The following BRSK2 variants were observed in gnomAD, a reference collection of about 807,000 sequenced individuals.
BRSK2 encodes serine/threonine-protein kinase BRSK2.
In BRSK2, 19 loss-of-function variants were observed where a neutral mutation model predicts 83.3. The observed-to-expected ratio is 0.23, with a 90% CI of 0.16 to 0.33. BRSK2 has a LOEUF of 0.33. BRSK2 is among the 10% of genes least tolerant of loss of function. The probability of loss-of-function intolerance (pLI) is 1.00; values close to 1 mark genes in which losing one functional copy is unlikely to be tolerated. For missense variants in BRSK2, 798 were observed against 1,042.3 expected (o/e 0.77, Z 3.23); for synonymous variants, 519 against 435.4 (o/e 1.19, Z -2.39).
At chr11:1,419,260 C>T (rs1481622152) in intron 1 of BRSK2, among the ~76,000 whole-genome samples, 2 of 151,562 alleles carry the variant, frequency 1.3e-5, no homozygotes, top group African/African-American at 4.9e-5. Context: ...GTGGGCTCTG[C>T]AGGTGCATGT....
At position 1,460,496 on chromosome 11, in the gene BRSK2, C is replaced by A; in HGVS notation, c.1988-4C>A. On this transcript the variant is annotated splice_polypyrimidine_tract_variant and splice_region_variant and intron_variant, in intron 19 of 19. Coordinates refer to ENST00000528841, the MANE Select transcript of BRSK2 (RefSeq NM_001256627.2). ...TTTTTTTTGTCTCTGTTCTGTGTAC[C>A]CAGGCAGCCCATTGAGTAACTTCTT... 7.1e-7 allele frequency: 1 copy of A among 1,414,548 alleles called. No individual in the cohort carries two copies. The highest frequency in any genetic ancestry group is 9.3e-7 in the Non-Finnish European group (1 of 1,076,906). 87.6% of individuals were successfully genotyped at this position (1,414,548 alleles called of 1,614,324 possible). A position where few individuals can be genotyped will look rare whatever the true frequency, so the allele number is the denominator to read the frequency against.
intron 1 of BRSK2, among the ~76,000 whole-genome samples, chr11:1,407,504 A>G (rs2134087123): frequency 6.6e-6 from 1 of 152,136 alleles, no homozygotes; most frequent in East Asian, 1.9e-4. Context: ...ACCTTCAAGG[A>G]AATTGCTGAC....
chr11:1,449,949 GC>G (rs545419054), intron 13 of BRSK2, 113 bp downstream of exon 13: 6 of 691,470 alleles, frequency 8.7e-6, no homozygotes, highest in South Asian at 3.6e-5. Context: ...AGCCCCAGGC[GC>G]CCCCCATGCC....
intron 1 of BRSK2, among the ~76,000 whole-genome samples, chr11:1,408,812 GGTGTGTGTGTGT>G: frequency 7.0e-6 from 1 of 143,250 alleles, no homozygotes; most frequent in South Asian, 2.2e-4. Context: ...TGCCTGTGCT[GGTGTGTGTGTGT>G]GTGTGTGTGT....
chr11:1,456,287 C>G, intron 16 of BRSK2, 61 bp from the exon 17 acceptor site: 2 of 1,472,332 alleles, frequency 1.4e-6, no homozygotes, highest in Non-Finnish European at 1.8e-6. Flanking sequence ...GGGCTGCCTC[C>G]CCAGAGGGCC....
chr11:1,455,327 GC>G (rs1355160775), intron 16 of BRSK2, among the ~76,000 whole-genome samples: 2 of 36,016 alleles, frequency 5.6e-5, no homozygotes, highest in African/African-American at 2.0e-4. Flanking sequence ...CTCCCCCACC[GC>G]CCCCAGCCTG....
At chr11:1,414,137 A>G (rs958809952) in intron 1 of BRSK2, among the ~76,000 whole-genome samples, 4 of 152,236 alleles carry the variant, frequency 2.6e-5, no homozygotes, top group African/African-American at 7.2e-5. Context: ...AAGATACTCA[A>G]ATTTTTCTGT....
intron 1 of BRSK2, chr11:1,411,626 C>G: frequency 6.4e-7 from 1 of 1,552,576 alleles, no homozygotes; most frequent in African/African-American, 1.4e-5. Context: ...TGCAGCCCAG[C>G]CCAGCAGGTG....
At chr11:1,408,258 C>T in intron 1 of BRSK2, among the ~76,000 whole-genome samples, 1 of 152,248 alleles carries the variant, frequency 6.6e-6, no homozygotes, top group East Asian at 1.9e-4. Context: ...CTGTGTCCAG[C>T]AGTCCTCTGC....
chr11:1,437,963 T>G (rs969383210), intron 2 of BRSK2, among the ~76,000 whole-genome samples: 1 of 152,016 alleles, frequency 6.6e-6, no homozygotes, highest in African/African-American at 2.4e-5. Flanking sequence ...CTCCCTCCAC[T>G]GAGGCCCCTG....
intron 4 of BRSK2, 178 bp from the exon 5 acceptor site, chr11:1,442,312 G>T (rs1851452031): frequency 7.2e-6 from 4 of 552,032 alleles, no homozygotes; most frequent in Admixed American, 5.2e-5. Context: ...AGAGCCAAAC[G>T]GACCAGGCAG....
chr11:1,399,132 C>T (rs1846307032), intron 1 of BRSK2, among the ~76,000 whole-genome samples: 1 of 152,200 alleles, frequency 6.6e-6, no homozygotes, highest in Non-Finnish European at 1.5e-5. Context: ...AGCCACAGAG[C>T]CGTTGTGACT....
At chr11:1,401,982 C>T (rs1846509176) in intron 1 of BRSK2, among the ~76,000 whole-genome samples, 1 of 152,186 alleles carries the variant, frequency 6.6e-6, no homozygotes, top group Admixed American at 6.5e-5. Flanking sequence ...CAGATGTGTT[C>T]GGTGCCTCCT....
chr11:1,391,753 G>C (rs1845742913), intron 1 of BRSK2, among the ~76,000 whole-genome samples: 1 of 152,198 alleles, frequency 6.6e-6, no homozygotes. Flanking sequence ...GAGGGGCCCA[G>C]GGCAGCAGGA....
In BRSK2 at chr11:1,445,560, G is replaced by A. The variant is rs759019594; in HGVS notation, c.978-11G>A. On this transcript the variant is annotated splice_polypyrimidine_tract_variant and intron_variant, in intron 10 of 19. Coordinates refer to ENST00000528841, the MANE Select transcript of BRSK2 (RefSeq NM_001256627.2). ...TGTGCCAGCGCGTCTCGCGCCTCTC[G>A]CCCGCTGTAGGGAGAACCAGGAGAA... 2.7e-5 allele frequency: 43 copies of A among 1,584,022 alleles called. No individual in the cohort carries two copies. The highest frequency in any genetic ancestry group is 3.7e-5 in the Admixed American group (2 of 54,238).
At chr11:1,441,115 C>CCG (rs1564847231) in intron 4 of BRSK2, among the ~76,000 whole-genome samples, 187 bp downstream of exon 4, 1 of 144,082 alleles carries the variant, frequency 6.9e-6, no homozygotes, top group African/African-American at 2.6e-5. Context: ...CTCAAGTGCA[C>CCG]TGTCCCCTCC....
At chr11:1,439,535 G>A (rs1367052839) in intron 3 of BRSK2, among the ~76,000 whole-genome samples, 1 of 151,906 alleles carries the variant, frequency 6.6e-6, no homozygotes, top group Admixed American at 6.5e-5. Flanking sequence ...CGGAGGGGAG[G>A]GCAGGGGAGT....
At chr11:1,411,145 G>T (rs1847447950) in intron 1 of BRSK2, 2 of 1,220,782 alleles carry the variant, frequency 1.6e-6, no homozygotes, top group African/African-American at 1.6e-5. Flanking sequence ...CCTAGGGTGG[G>T]GGCTCCAGTC....
chr11:1,395,185 G>A (rs551710720), intron 1 of BRSK2, among the ~76,000 whole-genome samples: 68 of 152,292 alleles, frequency 4.5e-4, no homozygotes, highest in African/African-American at 1.6e-3. Flanking sequence ...TGTCAGGGCA[G>A]CAGCAGCCTG....
Sources: gnomAD v4.1 joint callset for allele counts (sites outside exome capture counted in the v4.1 genomes callset) on GRCh38, gnomAD v4.1.1 for gene constraint, MANE v1.5 for transcripts, NCBI Gene and HGNC (gene_info 2026-07-23, HGNC 2026-07-21) for gene names.